The following FUT8 variants were observed in gnomAD, a reference collection of about 807,000 sequenced individuals.
FUT8 encodes alpha-(1,6)-fucosyltransferase.
In FUT8, 29 loss-of-function variants were observed where a neutral mutation model predicts 71.3. That is an observed-to-expected ratio of 0.41 (90% CI 0.30 to 0.55). FUT8 has a LOEUF of 0.55. Among genes scored for constraint, FUT8 ranks in the 20% least tolerant of loss-of-function variants. The probability of loss-of-function intolerance (pLI) is 0.34; values close to 1 mark genes in which losing one functional copy is unlikely to be tolerated. For missense variants in FUT8, 544 were observed against 702.1 expected, an observed-to-expected ratio of 0.77 and a Z score of 2.55; for synonymous variants, 254 against 239.3, an observed-to-expected ratio of 1.06 and a Z score of -0.57.
the FUT8 span, among the ~76,000 whole-genome samples, chr14:65,391,707 C>G: frequency 6.6e-6 from 1 of 151,492 alleles, no homozygotes; most frequent in Non-Finnish European, 1.5e-5. Flanking sequence ...AGGCTGGTCT[C>G]GAACTCCTGA....
rs1485764919 is a variant in FUT8, at chr14:65,603,774, AT to A, written c.204-12202del. Among the ~76,000 whole-genome samples the A allele has an allele frequency of 2.0e-5, 3 of 151,844 alleles. No homozygotes were observed. The highest frequency in any genetic ancestry group is 4.4e-5 in the Non-Finnish European group (3 of 67,890). ...TAGTACCTCACATCTTAATGTTAAT[AT>A]TGAATGTAAGTGGTCTAAGTGCTCC... is the stretch of plus-strand genomic sequence containing the variant. On this transcript the variant is annotated intron_variant, in intron 3 of 10. Transcript: ENST00000673929. The surrounding 1 kb of genome is among the most constrained non-coding windows in gnomAD (Gnocchi z 4.5).
chr14:65,405,580 C>T, the FUT8 span, among the ~76,000 whole-genome samples: 3 of 151,930 alleles, frequency 2.0e-5, no homozygotes, highest in African/African-American at 7.3e-5. Context: ...ATTGCATCTA[C>T]AATAAACCTA....
chr14:65,509,576 G>C (rs1882198699), intron 2 of FUT8, among the ~76,000 whole-genome samples: 1 of 151,808 alleles, frequency 6.6e-6, no homozygotes. Context: ...CCATTTTTTG[G>C]TATCCTCTTC....
rs1896558731 is a variant in FUT8 at position 65,742,574 on chromosome 14, T to C, written c.*164T>C. The C allele has an allele frequency of 1.6e-6, 1 of 616,614 alleles. No homozygotes were observed. Among genetic ancestry groups the C allele is most frequent in the Non-Finnish European group, 2.8e-6 (1 of 353,930 alleles). 38.2% of individuals were successfully genotyped at this position (616,614 alleles called of 1,614,324 possible). ...AGCTGGGAACTGACATAGGCTTCAA[T>C]TGGTGGAATTCCTCTTTAACAAGGG... On this transcript the variant is annotated 3_prime_UTR_variant, in exon 11 of 11. Coordinates refer to ENST00000673929, the MANE Select transcript of FUT8 (RefSeq NM_001371533.1).
rs138303193 is a variant in FUT8, at chr14:65,725,579, C to T, written c.1259+1256C>T. ...ATCTCCTCCAGAAGTCATCCCTGAA[C>T]CCTTGACTGGCCTGTGTTCCCCACT... On this transcript the variant is annotated intron_variant, in intron 9 of 10. Coordinates refer to ENST00000673929, the MANE Select transcript of FUT8 (RefSeq NM_001371533.1). Among the ~76,000 whole-genome samples the T allele has an allele frequency of 5.3e-5, 8 of 152,308 alleles. No homozygotes were observed. In the East Asian group the frequency reaches 1.2e-3, roughly 22 times the overall value.
chr14:65,568,849 T>C (rs1886333464), intron 3 of FUT8, among the ~76,000 whole-genome samples: 1 of 151,768 alleles, frequency 6.6e-6, no homozygotes, highest in Non-Finnish European at 1.5e-5. Context: ...TTTCTAGTGT[T>C]CTTTACTCCT....
intron 2 of FUT8, among the ~76,000 whole-genome samples, chr14:65,511,798 G>T (rs1478027491): frequency 1.3e-5 from 2 of 152,158 alleles, no homozygotes; most frequent in Non-Finnish European, 1.5e-5. Flanking sequence ...TAGGTGAAGT[G>T]TGTTTCTTGT....
chr14:65,535,540 C>T (rs1227547419), intron 2 of FUT8, among the ~76,000 whole-genome samples: 2 of 152,178 alleles, frequency 1.3e-5, no homozygotes, highest in Non-Finnish European at 2.9e-5. Context: ...CTGCCTTACT[C>T]AGAAGTCATT....
chr14:65,689,948 ATAATCTCCT>A (rs1893492936), intron 7 of FUT8, among the ~76,000 whole-genome samples: 1 of 152,242 alleles, frequency 6.6e-6, no homozygotes. Flanking sequence ...AGTCACCTAA[ATAATCTCCT>A]GTGTTATCCT....
chr14:65,367,002 CTG>C, the FUT8 span, among the ~76,000 whole-genome samples: 1 of 152,202 alleles, frequency 6.6e-6, no homozygotes, highest in Non-Finnish European at 1.5e-5. Context: ...AGAAAAGACT[CTG>C]TGTCCTTAAG....
the FUT8 span, among the ~76,000 whole-genome samples, chr14:65,379,711 G>A: frequency 7.2e-5 from 11 of 152,290 alleles, no homozygotes; most frequent in African/African-American, 2.2e-4. Flanking sequence ...GTCTTACTCC[G>A]TTTGTGCTGC....
chr14:65,585,072 T>C (rs1240916112), intron 3 of FUT8, among the ~76,000 whole-genome samples: 2 of 152,164 alleles, frequency 1.3e-5, no homozygotes, highest in Non-Finnish European at 2.9e-5. Flanking sequence ...GCCTCCCAAC[T>C]CAACTGTTAG....
At chr14:65,371,791 G>A in the FUT8 span, among the ~76,000 whole-genome samples, 2 of 152,060 alleles carry the variant, frequency 1.3e-5, no homozygotes, top group African/African-American at 4.8e-5. Context: ...CCATTTCTCC[G>A]AAGAGCCCTA....
At chr14:65,438,902 T>G (rs984890452) in intron 1 of FUT8, among the ~76,000 whole-genome samples, 2 of 152,230 alleles carry the variant, frequency 1.3e-5, no homozygotes, top group Non-Finnish European at 2.9e-5. Flanking sequence ...TTTAATTTTT[T>G]AAAAAGAAAC....
chr14:65,536,575 A>G (rs1386633786), intron 2 of FUT8, among the ~76,000 whole-genome samples: 3 of 152,186 alleles, frequency 2.0e-5, no homozygotes, highest in Non-Finnish European at 4.4e-5. Flanking sequence ...TATTGAATAT[A>G]GACCCCCAAT....
intron 3 of FUT8, among the ~76,000 whole-genome samples, chr14:65,593,866 A>G (rs1460119955): frequency 6.6e-6 from 1 of 151,890 alleles, no homozygotes; most frequent in African/African-American, 2.4e-5. Flanking sequence ...ATGCACCACC[A>G]CACCTGGCTA....
intron 2 of FUT8, among the ~76,000 whole-genome samples, chr14:65,461,932 G>A (rs1407356544): frequency 6.6e-6 from 1 of 152,196 alleles, no homozygotes; most frequent in African/African-American, 2.4e-5. Context: ...TGGTGAATGA[G>A]GGGTCTGGCA....
At chr14:65,425,534 T>A (rs1352824811) in intron 1 of FUT8, among the ~76,000 whole-genome samples, 2 of 151,596 alleles carry the variant, frequency 1.3e-5, no homozygotes, top group African/African-American at 4.9e-5. Flanking sequence ...GAGGTATAAT[T>A]GGCAAATAAA....
intron 3 of FUT8, among the ~76,000 whole-genome samples, chr14:65,611,786 G>C (rs903580251): frequency 2.0e-5 from 3 of 151,894 alleles, no homozygotes; most frequent in Non-Finnish European, 2.9e-5. Flanking sequence ...TCAGCCTCCT[G>C]AGTAGCTGGG....
Sources: allele counts gnomAD v4.1 joint callset (sites outside exome capture counted in the v4.1 genomes callset), GRCh38; gene constraint gnomAD v4.1.1; non-coding constraint Gnocchi (gnomAD v3.1); transcripts MANE v1.5; gene names NCBI Gene and HGNC (gene_info 2026-07-23, HGNC 2026-07-21).